Variants in DAAM1 observed in about 807,000 individuals in gnomAD.
DAAM1 encodes disheveled-associated activator of morphogenesis 1.
A neutral mutation model predicts 130.0 loss-of-function variants in DAAM1; 52 were observed. That is an observed-to-expected ratio of 0.40 (90% CI 0.32 to 0.50). DAAM1 has a LOEUF of 0.50. Among genes scored for constraint, DAAM1 ranks in the 20% least tolerant of loss-of-function variants. DAAM1 has a pLI of 0.61. For missense variants in DAAM1, 1,134 were observed against 1,303.8 expected (o/e 0.87, Z 2.01); for synonymous variants, 452 against 444.5 (o/e 1.02, Z -0.21).
chr14:59,191,788 C>G (rs1887737128), intron 1 of DAAM1, among the ~76,000 whole-genome samples: 1 of 151,986 alleles, frequency 6.6e-6, no homozygotes, highest in Admixed American at 6.6e-5. Flanking sequence ...GGAGAGACAC[C>G]AAGAGAAAGA....
intron 19 of DAAM1, 108 bp from the exon 20 acceptor site, chr14:59,355,057 C>A: frequency 7.1e-7 from 1 of 1,404,018 alleles, no homozygotes; most frequent in Non-Finnish European, 9.7e-7. Flanking sequence ...CTTACATCTT[C>A]AATATCTGTT....
At chr14:59,337,704 G>A (rs1008445916) in intron 15 of DAAM1, among the ~76,000 whole-genome samples, 4 of 152,130 alleles carry the variant, frequency 2.6e-5, no homozygotes, top group African/African-American at 9.7e-5. Context: ...CAGTCCTGGG[G>A]CAGTTAGGAC....
At chr14:59,259,451 A>G (rs1401451648) in intron 1 of DAAM1, among the ~76,000 whole-genome samples, 2 of 151,990 alleles carry the variant, frequency 1.3e-5, no homozygotes. Context: ...AGCTTACTTA[A>G]TTTTCTTGCC....
In DAAM1 at chr14:59,291,841, C is replaced by T. The variant is rs138233204; in HGVS notation, c.273+535C>T. ...TTACATGGCTGACTCTCTCTCGTAT[C>T]CCACTGCTGGTTGCATGGCCACATC... On this transcript the variant is annotated intron_variant, in intron 3 of 24. Coordinates refer to ENST00000360909, the MANE Select transcript of DAAM1 (RefSeq NM_001270520.2). Among the ~76,000 whole-genome samples the T allele has an allele frequency of 2.2e-3, 339 of 152,292 alleles. 1 individual carries two copies. Among genetic ancestry groups the T allele is most frequent in the African/African-American group, 7.7e-3 (318 of 41,564 alleles).
intron 1 of DAAM1, among the ~76,000 whole-genome samples, chr14:59,249,701 A>G (rs1566667542): frequency 6.6e-6 from 1 of 152,224 alleles, no homozygotes; most frequent in Non-Finnish European, 1.5e-5. Context: ...TTCCATAAAC[A>G]GTGTGATGAC....
Position 59,263,434 on chromosome 14 carries a change from T to A in DAAM1, c.-37-7T>A, listed in dbSNP as rs370018429. ...ACTCTTAACCATGTCATATCCTCTT[T>A]TTGCAGCGTTTAGTCACATCAAGAA... is the stretch of plus-strand genomic sequence containing the variant. On this transcript the variant is annotated splice_polypyrimidine_tract_variant and splice_region_variant and intron_variant, in intron 1 of 24. Coordinates refer to ENST00000360909, the MANE Select transcript of DAAM1 (RefSeq NM_001270520.2). 5.0e-6 allele frequency: 8 copies of A among 1,609,968 alleles called. No homozygotes were observed. Among genetic ancestry groups the A allele is most frequent in the Non-Finnish European group, 6.8e-6 (8 of 1,176,638 alleles).
rs541024278 is a variant in DAAM1 at position 59,345,920 on chromosome 14, C to A, written c.2076-1619C>A. 1.3e-4 allele frequency among the ~76,000 whole-genome samples: 20 copies of A among 152,280 alleles called. 1 individual carries two copies. The South Asian group carries it at 2.1e-3, about 16-fold the overall frequency. On this transcript the variant is annotated intron_variant, in intron 16 of 24. Transcript: ENST00000360909. ...GTGCTTTGGAAAGTGATCATAATTA[C>A]CATACTAAGCACTGTTTAATGGGTT...
Position 59,315,262 on chromosome 14 carries a change from T to C in DAAM1, c.274-18T>C. On this transcript the variant is annotated intron_variant, in intron 3 of 24. Transcript: ENST00000360909. ...GTATATGTTGGGTGGTATGTCACTT[T>C]TTTTCCCCCCTTTTTAGGACCAGGA... The C allele has an allele frequency of 6.2e-7, 1 of 1,613,722 alleles. No homozygotes were observed. Among genetic ancestry groups the C allele is most frequent in the Non-Finnish European group, 8.5e-7 (1 of 1,179,670 alleles).
intron 2 of DAAM1, chr14:59,264,036 A>C: frequency 3.3e-6 from 1 of 301,090 alleles, no homozygotes; most frequent in Admixed American, 4.7e-5. Flanking sequence ...GGGATTCCCT[A>C]ATGCTCCCCT....
chr14:59,342,829 T>C (rs994899753), intron 16 of DAAM1, among the ~76,000 whole-genome samples: 1 of 152,052 alleles, frequency 6.6e-6, no homozygotes, highest in African/African-American at 2.4e-5. Flanking sequence ...AGGCAAAGAC[T>C]GTTATATGAC....
chr14:59,367,007 T>G (rs1886944062), intron 23 of DAAM1, among the ~76,000 whole-genome samples: 1 of 148,842 alleles, frequency 6.7e-6, no homozygotes, highest in African/African-American at 2.5e-5. Context: ...AAAAAAAAAC[T>G]GCCGGGTGTG....
At chr14:59,336,922 A>T (rs1201249246) in intron 15 of DAAM1, among the ~76,000 whole-genome samples, 1 of 152,198 alleles carries the variant, frequency 6.6e-6, no homozygotes, top group East Asian at 1.9e-4. Context: ...TCAGTTGTTA[A>T]TTAACCACAT....
At chr14:59,195,751 GTTCTT>G in intron 1 of DAAM1, among the ~76,000 whole-genome samples, 1 of 152,180 alleles carries the variant, frequency 6.6e-6, no homozygotes, top group South Asian at 2.1e-4. Context: ...TCTGAGATAG[GTTCTT>G]ATATTCTGGC....
In DAAM1 at chr14:59,315,318, A is replaced by C. The variant is rs747010561; in HGVS notation, c.312A>C (p.Glu104Asp). ...EENKGATSWP[E>D]FYIDQLNSMA... ...ACAAGGGAGCTACAAGTTGGCCTGA[A>C]TTCTACATTGATCAGCTCAATTCCA... The change falls in exon 4 of 25, where the codon GAA becomes GAC. Residue 104 changes from glutamate (E) to aspartate (D), a missense_variant. Glu to Asp is a conservative substitution (Grantham distance 45). Coordinates refer to ENST00000360909, the MANE Select transcript of DAAM1 (RefSeq NM_001270520.2). The C allele has an allele frequency of 4.3e-6, 7 of 1,613,902 alleles. No homozygotes were observed. The Admixed American group carries it at 1.0e-4, about 23-fold the overall frequency.
chr14:59,193,971 T>C (rs1887809953), intron 1 of DAAM1, among the ~76,000 whole-genome samples: 1 of 152,208 alleles, frequency 6.6e-6, no homozygotes, highest in Non-Finnish European at 1.5e-5. Context: ...GGCTACGTCA[T>C]TGACTGCACA....
chr14:59,283,044 C>T (rs1281482347), intron 2 of DAAM1, among the ~76,000 whole-genome samples: 1 of 152,066 alleles, frequency 6.6e-6, no homozygotes, highest in African/African-American at 2.4e-5. Context: ...AAGTTATCTA[C>T]CTGTGACAGC....
intron 1 of DAAM1, among the ~76,000 whole-genome samples, chr14:59,224,484 G>A (rs1032029926): frequency 6.6e-6 from 1 of 152,212 alleles, no homozygotes; most frequent in South Asian, 2.1e-4. Context: ...CTTTCCCACT[G>A]TAATACTTTG....
intron 1 of DAAM1, among the ~76,000 whole-genome samples, chr14:59,231,393 C>T (rs897017716): frequency 1.3e-5 from 2 of 152,120 alleles, no homozygotes; most frequent in African/African-American, 4.8e-5. Context: ...ATGAGCCCTA[C>T]CCTTGAAGTT....
intron 24 of DAAM1, 55 bp downstream of exon 24, chr14:59,367,654 C>A: frequency 8.9e-6 from 14 of 1,569,666 alleles, no homozygotes; most frequent in Non-Finnish European, 1.2e-5. Context: ...ATGACTGCAG[C>A]CCAGTCAAAG....
Sources: gnomAD v4.1 joint callset for allele counts (sites outside exome capture counted in the v4.1 genomes callset) on GRCh38, gnomAD v4.1.1 for gene constraint, MANE v1.5 for transcripts, NCBI Gene and HGNC (gene_info 2026-07-23, HGNC 2026-07-21) for gene names.